Variants in NRG3 observed in about 807,000 individuals in gnomAD.
NRG3 encodes pro-neuregulin-3, membrane-bound isoform.
Under a neutral mutation model 66.9 loss-of-function variants are expected in NRG3, and 31 were observed. That is an observed-to-expected ratio of 0.46 (90% CI 0.35 to 0.63). The LOEUF (loss-of-function observed/expected upper bound fraction) is 0.63, where lower values mean the gene tolerates loss of function less well. Ranked by LOEUF, NRG3 falls within the 20% of genes least tolerant of loss-of-function variation. The pLI is 0.00. For missense variants in NRG3, 910 were observed against 878.9 expected (o/e 1.04, Z -0.45); for synonymous variants, 393 against 359.4 (o/e 1.09, Z -1.06).
At chr10:82,201,350 C>G (rs568159796) in intron 1 of NRG3, among the ~76,000 whole-genome samples, 1 of 152,170 alleles carries the variant, frequency 6.6e-6, no homozygotes, top group Admixed American at 6.5e-5. Context: ...CTTTGGTGTT[C>G]TAATACTGCT....
intron 2 of NRG3, among the ~76,000 whole-genome samples, chr10:82,392,217 C>T (rs1020241506): frequency 3.3e-5 from 5 of 152,174 alleles, no homozygotes; most frequent in Admixed American, 3.3e-4. Flanking sequence ...TTGTAGTGCT[C>T]CCGTCATTTC....
intron 3 of NRG3, among the ~76,000 whole-genome samples, chr10:82,771,620 A>G (rs1341020034): frequency 2.0e-5 from 3 of 152,182 alleles, no homozygotes; most frequent in Non-Finnish European, 2.9e-5. Flanking sequence ...AGGAAAATAA[A>G]CTTATTCACT....
chr10:82,591,852 A>T (rs1252318793), intron 2 of NRG3, among the ~76,000 whole-genome samples: 1 of 152,170 alleles, frequency 6.6e-6, no homozygotes, highest in Non-Finnish European at 1.5e-5. Flanking sequence ...TTATTCATTC[A>T]GTTACTTCTA....
intron 1 of NRG3, among the ~76,000 whole-genome samples, chr10:81,978,640 A>G (rs142609252): frequency 1.1e-3 from 173 of 152,292 alleles, no homozygotes; most frequent in Admixed American, 6.3e-3. Flanking sequence ...AAAGTTAGGT[A>G]TTGTCATCAG....
chr10:82,086,304 A>C (rs1308302046), intron 1 of NRG3, among the ~76,000 whole-genome samples: 2 of 152,116 alleles, frequency 1.3e-5, no homozygotes, highest in African/African-American at 2.4e-5. Context: ...TTTTACAGAA[A>C]ACTTCAAGGA....
intron 5 of NRG3, 62 bp from the exon 6 acceptor site, chr10:82,958,887 C>A: frequency 5.5e-6 from 8 of 1,465,666 alleles, no homozygotes; most frequent in Admixed American, 2.6e-5. Context: ...TGAATGAGAC[C>A]CTGAAAGTAG....
intron 4 of NRG3, among the ~76,000 whole-genome samples, chr10:82,925,348 G>T (rs1229683735): frequency 6.6e-6 from 1 of 152,166 alleles, no homozygotes; most frequent in Non-Finnish European, 1.5e-5. Flanking sequence ...ACTTTTTCTT[G>T]AACTTGAACT....
In NRG3 at chr10:82,489,679, G is replaced by C. The variant is rs560935992; in HGVS notation, c.953+130811G>C. ...GAATTTGGATCTTTGAGACATGGTA[G>C]AGCAAACAAAACAAATGACATTTAT... On this transcript the variant is annotated intron_variant, in intron 2 of 8. Transcript: ENST00000372141. 5.9e-5 allele frequency among the ~76,000 whole-genome samples: 9 copies of C among 152,282 alleles called. No homozygotes were observed. The East Asian group carries it at 1.7e-3, about 29-fold the overall frequency.
chr10:82,235,172 A>G (rs1296005113), intron 1 of NRG3, among the ~76,000 whole-genome samples: 1 of 152,202 alleles, frequency 6.6e-6, no homozygotes, highest in Non-Finnish European at 1.5e-5. Flanking sequence ...TTGTTTTTGT[A>G]AGCAACAAAT....
Position 82,023,320 on chromosome 10 carries a change from C to A in NRG3, c.823+147157C>A, listed in dbSNP as rs932720092. Among the ~76,000 whole-genome samples the A allele has an allele frequency of 6.6e-5, 10 of 152,012 alleles. No individual in the cohort carries two copies. The East Asian group carries it at 1.7e-3, about 27-fold the overall frequency. On this transcript the variant is annotated intron_variant, in intron 1 of 8. Coordinates refer to ENST00000372141, the MANE Select transcript of NRG3 (RefSeq NM_001010848.4). ...TGTGTGAACAAGGATAATTTCATTT[C>A]TTTTTTCACAATTTGGGTGTCCTTT...
At chr10:82,208,203 A>C (rs1014073111) in intron 1 of NRG3, among the ~76,000 whole-genome samples, 1 of 152,286 alleles carries the variant, frequency 6.6e-6, no homozygotes, top group Non-Finnish European at 1.5e-5. Context: ...TAATTAGCAT[A>C]ACTAATATGC....
chr10:82,641,563 G>A (rs1213939284), intron 2 of NRG3, among the ~76,000 whole-genome samples: 1 of 152,084 alleles, frequency 6.6e-6, no homozygotes, highest in Non-Finnish European at 1.5e-5. Flanking sequence ...ATAACAGATA[G>A]TAAGAAAAGT....
At chr10:82,853,307 T>G (rs2063652555) in intron 3 of NRG3, among the ~76,000 whole-genome samples, 1 of 152,166 alleles carries the variant, frequency 6.6e-6, no homozygotes, top group Non-Finnish European at 1.5e-5. Flanking sequence ...ATTTTAGGAT[T>G]GTTTTTTCTA....
chr10:82,074,481 T>C (rs189867649), intron 1 of NRG3, among the ~76,000 whole-genome samples: 7 of 152,204 alleles, frequency 4.6e-5, no homozygotes, highest in Admixed American at 1.3e-4. Flanking sequence ...TTTGAAAAAA[T>C]AGACTATAAC....
At chr10:82,297,774 A>C (rs1429431319) in intron 1 of NRG3, among the ~76,000 whole-genome samples, 1 of 152,174 alleles carries the variant, frequency 6.6e-6, no homozygotes, top group Non-Finnish European at 1.5e-5. Flanking sequence ...GTGCTATTGC[A>C]CTTTTTTATT....
chr10:82,112,055 C>T (rs2067420150), intron 1 of NRG3, among the ~76,000 whole-genome samples: 1 of 151,700 alleles, frequency 6.6e-6, no homozygotes, highest in African/African-American at 2.4e-5. Context: ...CTATCCTGGG[C>T]AATATAACAA....
In NRG3 at chr10:82,100,218, A is replaced by C. The variant is rs145427362; in HGVS notation, c.823+224055A>C. Among the ~76,000 whole-genome samples, 87 of 152,122 alleles carry C rather than the reference A, an allele frequency of 5.7e-4. 1 individual carries two copies. The highest frequency in any genetic ancestry group is 2.0e-3 in the African/African-American group (83 of 41,532). On this transcript the variant is annotated intron_variant, in intron 1 of 8. Coordinates refer to ENST00000372141, the MANE Select transcript of NRG3 (RefSeq NM_001010848.4). ...TTCATTGAAAACATATTGAAATATG[A>C]CTTTTTTGGATTCTATGGCTTTGCT...
intron 1 of NRG3, among the ~76,000 whole-genome samples, chr10:82,342,040 A>C (rs1001566283): frequency 6.6e-6 from 1 of 151,614 alleles, no homozygotes; most frequent in African/African-American, 2.4e-5. Context: ...GTAGTACTTT[A>C]TGGTATTTAT....
intron 2 of NRG3, among the ~76,000 whole-genome samples, chr10:82,625,665 G>C (rs1429166051): frequency 6.6e-6 from 1 of 152,120 alleles, no homozygotes; most frequent in Non-Finnish European, 1.5e-5. Context: ...CATTCAATTA[G>C]ATTTCATGCA....
Sources: allele counts gnomAD v4.1 joint callset (sites outside exome capture counted in the v4.1 genomes callset), GRCh38; gene constraint gnomAD v4.1.1; transcripts MANE v1.5; gene names NCBI Gene and HGNC (gene_info 2026-07-23, HGNC 2026-07-21).